PFKFB3: variants seen among roughly 807,000 people sequenced by gnomAD.
PFKFB3 encodes the protein 6-phosphofructo-2-kinase/fructose-2,6-bisphosphatase 3.
In PFKFB3, 33 loss-of-function variants were observed where a neutral mutation model predicts 68.0. The ratio of observed to expected loss-of-function variants is 0.49; its 90% CI spans 0.37 to 0.65. The LOEUF is 0.65. Ranked by LOEUF, PFKFB3 falls within the 30% of genes least tolerant of loss-of-function variation. The pLI is 0.00. For synonymous variants in PFKFB3, 315 were observed against 288.2 expected, an observed-to-expected ratio of 1.09 and a Z score of -0.94; for missense variants, 586 against 712.2, an observed-to-expected ratio of 0.82 and a Z score of 2.02.
chr10:6,219,430 CT>C, intron 6 of PFKFB3, 138 bp from the exon 7 acceptor site: 1 of 873,512 alleles, frequency 1.1e-6, no homozygotes, highest in South Asian at 1.5e-5. Flanking sequence ...ATCTTTCTCC[CT>C]TTCTCTTACA....
At chr10:6,212,793 C>G (rs940634611) in intron 1 of PFKFB3, among the ~76,000 whole-genome samples, 4 of 152,210 alleles carry the variant, frequency 2.6e-5, no homozygotes, top group African/African-American at 9.7e-5. Flanking sequence ...AACCACCGCG[C>G]CTGGCTGTAA....
the PFKFB3 span, among the ~76,000 whole-genome samples, chr10:6,323,175 A>G: frequency 6.6e-6 from 1 of 152,234 alleles, no homozygotes; most frequent in Non-Finnish European, 1.5e-5. Context: ...CTATATCCAT[A>G]GATATATCAG....
chr10:6,325,112 G>A, the PFKFB3 span, among the ~76,000 whole-genome samples: 202 of 151,900 alleles, frequency 1.3e-3, no homozygotes, highest in Non-Finnish European at 2.5e-3. Flanking sequence ...TACAGGCGCC[G>A]GCCACCACAA....
chr10:6,233,171 C>T lies in PFKFB3; in HGVS notation c.*229C>T, dbSNP rs1845849232. The T allele has an allele frequency of 7.4e-6, 4 of 538,492 alleles. No individual in the cohort carries two copies. The highest frequency in any genetic ancestry group is 2.4e-5 in the South Asian group (1 of 41,206). The allele number at this position is 538,492 out of a possible 1,614,324, so 33.4% of individuals were successfully genotyped here. On this transcript the variant is annotated 3_prime_UTR_variant, in exon 15 of 15. Transcript: ENST00000379775. ...GCGCCCTGCCTTTAGCCGTGGGGCC[C>T]CCACCTCCACTCTCTGGGTTTCCTA...
chr10:6,320,548 A>G, the PFKFB3 span, among the ~76,000 whole-genome samples: 1 of 152,066 alleles, frequency 6.6e-6, no homozygotes, highest in East Asian at 1.9e-4. Context: ...CCTGAGATCA[A>G]TTGAGCTGAG....
chr10:6,157,230 C>CTTT (rs1409377715), intron 1 of PFKFB3, among the ~76,000 whole-genome samples: 2 of 123,600 alleles, frequency 1.6e-5, no homozygotes, highest in Non-Finnish European at 3.8e-5. Context: ...ATAGTTGTGT[C>CTTT]TTCTTTTTTT....
chr10:6,196,070 T>C (rs968057461), intron 1 of PFKFB3, among the ~76,000 whole-genome samples: 3 of 151,948 alleles, frequency 2.0e-5, no homozygotes, highest in African/African-American at 4.8e-5. Context: ...GGGAGAGATA[T>C]TGAGAGCCAA....
chr10:6,177,438 C>CTCTCTCTCTCTTTCTT (rs755279276), intron 1 of PFKFB3, among the ~76,000 whole-genome samples: 72 of 86,718 alleles, frequency 8.3e-4, no homozygotes, highest in Non-Finnish European at 1.1e-3. Flanking sequence ...TCTTTTCTTT[C>CTCTCTCTCTCTTTCTT]TCTTTCTTTC....
rs375084325 is a variant in PFKFB3, at chr10:6,207,035, T to C, written c.76+3699T>C. Among the ~76,000 whole-genome samples the C allele has an allele frequency of 3.7e-3, 520 of 140,664 alleles. 11 individuals are homozygous for C. Among genetic ancestry groups the C allele is most frequent in the African/African-American group, 0.012 (437 of 37,648 alleles). 92.3% of individuals were successfully genotyped at this position (140,664 alleles called of 152,430 possible). A position where few individuals can be genotyped will look rare whatever the true frequency, so the allele number is the denominator to read the frequency against. On this transcript the variant is annotated intron_variant, in intron 1 of 14. Transcript: ENST00000379775. ...GACGCTCCTCACTTCCCAGATGGGGTGGCGGCCGGGCAGAGGCTGCAATCT... is the reference window on the plus strand; with the variant it reads ...GACGCTCCTCACTTCCCAGATGGGGCGGCGGCCGGGCAGAGGCTGCAATCT...
chr10:6,180,241 G>T (rs1842672237), intron 1 of PFKFB3, among the ~76,000 whole-genome samples: 2 of 152,102 alleles, frequency 1.3e-5, no homozygotes, highest in African/African-American at 4.8e-5. Flanking sequence ...ATGAATGAAT[G>T]ATTGCTTTGC....
chr10:6,146,382 G>C (rs751323083), intron 1 of PFKFB3: 7 of 1,535,452 alleles, frequency 4.6e-6, no homozygotes, highest in Non-Finnish European at 6.1e-6. Context: ...TAGAGAGATG[G>C]GGGAGGGTGG....
At chr10:6,280,774 G>C in the PFKFB3 span, among the ~76,000 whole-genome samples, 1 of 151,800 alleles carries the variant, frequency 6.6e-6, no homozygotes, top group South Asian at 2.1e-4. Context: ...CTTTATGAGA[G>C]TGAGGCACAT....
chr10:6,192,496 C>T (rs11257174), intron 1 of PFKFB3, among the ~76,000 whole-genome samples: 9,463 of 151,888 alleles, frequency 0.062, 485 homozygotes, highest in African/African-American at 0.13. Context: ...AGGGTTGCTC[C>T]GTGGCATGTG....
chr10:6,226,224 A>G lies in PFKFB3; in HGVS notation c.1374A>G (p.Arg458=), dbSNP rs1402806408. 1 of 1,612,260 alleles carries G rather than the reference A, an allele frequency of 6.2e-7. No homozygotes were observed. The highest frequency in any genetic ancestry group is 1.7e-5 in the Admixed American group (1 of 59,666). Residue 458 remains arginine (R), a synonymous_variant, in exon 14 of 15, where the codon AGA becomes AGG. Transcript: ENST00000379775. The part of the protein sequence containing the change: ...DAKKGPNPLM[R]RNSVTPLASP... ...AGAAGGGACCTAACCCGCTCATGAG[A>G]CGCAATAGTGTCACCCCGCTAGCCA... is the stretch of plus-strand genomic sequence containing the variant.
At chr10:6,249,831 T>G (rs1397579441) in intron 14 of PFKFB3, among the ~76,000 whole-genome samples, 1 of 152,208 alleles carries the variant, frequency 6.6e-6, no homozygotes, top group Non-Finnish European at 1.5e-5. Context: ...GGAGTAAATT[T>G]TAAATATTCT....
chr10:6,210,346 G>GTTTTTT (rs1225843582), intron 1 of PFKFB3, among the ~76,000 whole-genome samples: 3 of 32,804 alleles, frequency 9.1e-5, no homozygotes, highest in East Asian at 1.3e-3. Context: ...GTTTTTTTTT[G>GTTTTTT]TTTTTTTTTG....
the PFKFB3 span, among the ~76,000 whole-genome samples, chr10:6,292,274 T>TTTTC: frequency 7.7e-6 from 1 of 129,144 alleles, no homozygotes; most frequent in East Asian, 2.9e-4. Context: ...TACTTTTTTT[T>TTTTC]TTTCTTTTTT....
At chr10:6,183,064 G>T (rs1842764622) in intron 1 of PFKFB3, among the ~76,000 whole-genome samples, 1 of 152,190 alleles carries the variant, frequency 6.6e-6, no homozygotes, top group African/African-American at 2.4e-5. Context: ...AGGAGACTTG[G>T]TCCTTCTGTG....
At chr10:6,253,902 G>C (rs958999669) in intron 14 of PFKFB3, among the ~76,000 whole-genome samples, 1 of 152,078 alleles carries the variant, frequency 6.6e-6, no homozygotes, top group African/African-American at 2.4e-5. Context: ...AAATTAGCCA[G>C]GCATGGTAGT....
Sources: gnomAD v4.1 joint callset for allele counts (sites outside exome capture counted in the v4.1 genomes callset) on GRCh38, gnomAD v4.1.1 for gene constraint, MANE v1.5 for transcripts, NCBI Gene and HGNC (gene_info 2026-07-23, HGNC 2026-07-21) for gene names.